PCLO: variants seen among roughly 807,000 people sequenced by gnomAD.
The protein encoded by PCLO is protein piccolo.
PCLO carries 82 observed loss-of-function variants against 427.5 expected under a neutral mutation model. The observed-to-expected ratio is 0.19, with a 90% CI of 0.16 to 0.23. PCLO has a LOEUF of 0.23. PCLO is among the 10% of genes least tolerant of loss of function. The pLI is 1.00. For missense variants in PCLO, 6,239 were observed against 6,115.9 expected, an observed-to-expected ratio of 1.02 and a Z score of -0.67; for synonymous variants, 2,357 against 2,155.4, an observed-to-expected ratio of 1.09 and a Z score of -2.59.
At chr7:82,777,289 G>A (rs922988959) in intron 22 of PCLO, among the ~76,000 whole-genome samples, 5 of 152,010 alleles carry the variant, frequency 3.3e-5, no homozygotes, top group African/African-American at 9.7e-5. Flanking sequence ...CCATGCTCAC[G>A]GATAGGGAGA....
chr7:83,123,411 T>C (rs1000860294), intron 3 of PCLO, among the ~76,000 whole-genome samples: 6 of 152,090 alleles, frequency 3.9e-5, no homozygotes, highest in African/African-American at 7.2e-5. Flanking sequence ...CCTGGGAAAA[T>C]TGCATATCCA....
chr7:83,033,554 T>C (rs1312566208), intron 3 of PCLO, among the ~76,000 whole-genome samples: 6 of 152,158 alleles, frequency 3.9e-5, no homozygotes, highest in African/African-American at 1.4e-4. Flanking sequence ...TCATTCAATA[T>C]CCATCTTAGA....
At chr7:82,908,772 T>A (rs1266213570) in intron 8 of PCLO, 105 bp downstream of exon 8, 1 of 1,002,006 alleles carries the variant, frequency 1.0e-6, no homozygotes, top group African/African-American at 1.6e-5. Flanking sequence ...TTTGTGAAAT[T>A]AATAAACAAA....
rs200292194 is a variant in PCLO, at chr7:82,831,435, AT to A, written c.14250-3470del. 5.0e-3 allele frequency among the ~76,000 whole-genome samples: 761 copies of A among 152,116 alleles called. 4 individuals carry two copies. Among genetic ancestry groups the A allele is most frequent in the African/African-American group, 0.017 (725 of 41,542 alleles). On this transcript the variant is annotated intron_variant, in intron 16 of 24. Coordinates refer to ENST00000333891, the MANE Select transcript of PCLO (RefSeq NM_033026.6). ...TTCTCCATCTCAATTTAAATACATA[AT>A]TTTTATACATATAATATAAATTATG...
intron 2 of PCLO, among the ~76,000 whole-genome samples, chr7:83,152,911 TATAAC>T (rs1480981116): frequency 5.3e-5 from 8 of 152,154 alleles, no homozygotes; most frequent in East Asian, 3.8e-4. Context: ...TCACCAAACA[TATAAC>T]AGAATATCTT....
At chr7:82,893,694 C>T (rs995856110) in intron 9 of PCLO, among the ~76,000 whole-genome samples, 3 of 151,940 alleles carry the variant, frequency 2.0e-5, no homozygotes, top group Non-Finnish European at 4.4e-5. Flanking sequence ...TGTCACAATC[C>T]TCCTCAGAAA....
At chr7:82,835,714 A>G (rs773598466) in intron 15 of PCLO, 21 bp from the exon 16 acceptor site, 4 of 1,601,942 alleles carry the variant, frequency 2.5e-6, no homozygotes. Flanking sequence ...TCCAAGAGCG[A>G]GAGTGAAGGG....
At chr7:83,083,456 T>G (rs1790154588) in intron 3 of PCLO, among the ~76,000 whole-genome samples, 1 of 152,016 alleles carries the variant, frequency 6.6e-6, no homozygotes, top group Admixed American at 6.6e-5. Flanking sequence ...CCTTTTACAT[T>G]GAGTAAAAAA....
At chr7:82,838,103 G>C in intron 15 of PCLO, 115 bp downstream of exon 15, 2 of 727,306 alleles carry the variant, frequency 2.7e-6, no homozygotes, top group Non-Finnish European at 4.4e-6. Context: ...ACATGTGGAG[G>C]AAAGTAAGGA....
Position 83,135,041 on chromosome 7 carries a change from T to A in PCLO, c.2509A>T (p.Ser837Cys). ...TGTTTTTGACCTTTGCTCTCTGAAC[T>A]GGGACCAGGATGTGAAATAATTTTT... ...DSKIISHPGP[S>C]SESKGQKQVD... Residue 837 changes from serine to cysteine, a missense_variant, in exon 3 of 25, where the codon AGT (serine) becomes TGT (cysteine). This residue lies in a region of PCLO where 4,677 missense variants were observed against 4,468.4 expected (regional missense o/e 1.05). Transcript: ENST00000333891. 1 of 1,613,972 alleles carries A rather than the reference T, an allele frequency of 6.2e-7. No individual in the cohort carries two copies. The highest frequency in any genetic ancestry group is 1.1e-5 in the South Asian group (1 of 91,084).
At chr7:82,832,525 GT>G (rs1792120733) in intron 16 of PCLO, among the ~76,000 whole-genome samples, 1 of 151,718 alleles carries the variant, frequency 6.6e-6, no homozygotes, top group Admixed American at 6.6e-5. Flanking sequence ...AGTGCTGGTG[GT>G]TTATTTTTTT....
At chr7:83,038,095 A>G (rs9692298) in intron 3 of PCLO, among the ~76,000 whole-genome samples, 1 of 115,320 alleles carries the variant, frequency 8.7e-6, no homozygotes, top group Non-Finnish European at 1.8e-5. Context: ...CTTTATATAT[A>G]TATATTTATA....
chr7:83,028,987 C>T (rs1211105414), intron 3 of PCLO, among the ~76,000 whole-genome samples: 1 of 152,070 alleles, frequency 6.6e-6, no homozygotes, highest in Admixed American at 6.5e-5. Context: ...AAACGTCAGA[C>T]CTAAAACCAT....
intron 3 of PCLO, among the ~76,000 whole-genome samples, chr7:83,078,749 C>T (rs1044239267): frequency 2.0e-5 from 3 of 152,012 alleles, no homozygotes; most frequent in Non-Finnish European, 2.9e-5. Flanking sequence ...CCAGGCTTGT[C>T]GGTCGCGAAT....
chr7:82,996,341 A>C (rs567821010), intron 3 of PCLO, among the ~76,000 whole-genome samples: 1 of 152,070 alleles, frequency 6.6e-6, no homozygotes, highest in Admixed American at 6.6e-5. Context: ...TTAAAAATTA[A>C]AGATATTTTA....
intron 10 of PCLO, among the ~76,000 whole-genome samples, chr7:82,857,490 C>T (rs1361958709): frequency 1.3e-5 from 2 of 152,110 alleles, no homozygotes; most frequent in African/African-American, 4.8e-5. Context: ...TAAAATATCA[C>T]TTTATACTAG....
chr7:82,963,022 G>A (rs949785538), intron 4 of PCLO, among the ~76,000 whole-genome samples: 5 of 151,946 alleles, frequency 3.3e-5, no homozygotes, highest in Non-Finnish European at 7.4e-5. Flanking sequence ...AGGATTGCAA[G>A]TGTTTTTCAG....
chr7:83,139,931 T>C (rs1270021384), intron 2 of PCLO, among the ~76,000 whole-genome samples: 1 of 152,156 alleles, frequency 6.6e-6, no homozygotes. Context: ...AACAGTCTTG[T>C]ATTGAAAACA....
Position 82,953,274 on chromosome 7 carries a change from G to T in PCLO, c.7679C>A (p.Pro2560Gln), listed in dbSNP as rs1427555479. 1 of 1,613,890 alleles carries T rather than the reference G, an allele frequency of 6.2e-7. No homozygotes were observed. Among genetic ancestry groups the T allele is most frequent in the Non-Finnish European group, 8.5e-7 (1 of 1,179,860 alleles). Residue 2560 changes from proline to glutamine, a missense_variant, in exon 5 of 25, where the codon CCA (proline) becomes CAA (glutamine). Around this residue, in one of 5 missense-constraint regions of PCLO, gnomAD observed 4,677 missense variants for 4,468.4 expected, o/e 1.05. Transcript: ENST00000333891. ...AGACTTGTTGGAGTGTGGGGAAAGTGGGGAGGTAGGGGAAGGCAATTTATA... is the reference window on the plus strand; with the variant it reads ...AGACTTGTTGGAGTGTGGGGAAAGTTGGGAGGTAGGGGAAGGCAATTTATA... ...ADYKLPSPTS[P>Q]LSPHSNKSSP...
Sources: allele counts gnomAD v4.1 joint callset (sites outside exome capture counted in the v4.1 genomes callset), GRCh38; gene constraint gnomAD v4.1.1; regional missense constraint gnomAD v4.1.1; transcripts MANE v1.5; gene names NCBI Gene and HGNC (gene_info 2026-07-23, HGNC 2026-07-21).